DNAJC16: variants seen among roughly 807,000 people sequenced by gnomAD.
DNAJC16 encodes the protein DnaJ heat shock protein family (Hsp40) member C16, also known as dnaJ homolog subfamily C member 16.
In DNAJC16, 76 loss-of-function variants were observed where a neutral mutation model predicts 92.7. The ratio of observed to expected loss-of-function variants is 0.82; its 90% confidence interval spans 0.68 to 0.99. The LOEUF is 0.99. DNAJC16 is among the 50% of genes least tolerant of loss of function. The pLI is 0.00. For missense variants in DNAJC16, 869 were observed against 942.4 expected (o/e 0.92, Z 1.02); for synonymous variants, 328 against 358.7 (o/e 0.91, Z 0.97).
chr1:15,562,047 A>T, intron 8 of DNAJC16, 95 bp from the exon 9 acceptor site: 2 of 1,315,786 alleles, frequency 1.5e-6, no homozygotes. Context: ...CTTCCATAAG[A>T]TGAGCTCCTC....
rs1171509950 is a variant in DNAJC16 at position 15,526,911 on chromosome 1, C to G, written c.-66C>G. 1 of 152,380 alleles carries G rather than the reference C, an allele frequency of 6.6e-6. No homozygotes were observed. The highest frequency in any genetic ancestry group is 1.5e-5 in the Non-Finnish European group (1 of 68,116). 9.4% of individuals were successfully genotyped at this position (152,380 alleles called of 1,614,324 possible). A position where few individuals can be genotyped will look rare whatever the true frequency, so the allele number is the denominator to read the frequency against. The stretch of plus-strand genomic sequence containing the variant: ...GACGGGAAGCTCCCGGCCCGGCGAA[C>G]TAACTGGAGCACGGAGCTGCAGCCG... On this transcript the variant is annotated 5_prime_UTR_variant, in exon 1 of 15. Coordinates refer to ENST00000375847, the MANE Select transcript of DNAJC16 (RefSeq NM_015291.4).
At chr1:15,551,266 G>A (rs999105279) in intron 7 of DNAJC16, among the ~76,000 whole-genome samples, 1 of 152,196 alleles carries the variant, frequency 6.6e-6, no homozygotes, top group African/African-American at 2.4e-5. Context: ...TATTCTGTGT[G>A]ATGAGCTGGG....
intron 7 of DNAJC16, among the ~76,000 whole-genome samples, chr1:15,549,995 G>C (rs1638407973): frequency 6.6e-6 from 1 of 152,096 alleles, no homozygotes; most frequent in Non-Finnish European, 1.5e-5. Context: ...AGTTTGTATA[G>C]AGTTCAGTAC....
rs16851774 is a variant in DNAJC16, at chr1:15,540,772, C to G, written c.575-3627C>G. Among the ~76,000 whole-genome samples, 348 of 152,268 alleles carry G rather than the reference C, an allele frequency of 2.3e-3. 1 individual carries two copies. Among genetic ancestry groups the G allele is most frequent in the African/African-American group, 8.0e-3 (333 of 41,550 alleles). Reference sequence around the variant, plus strand: ...TTTCTAATTCAGGTTTCTGTGTGCGCTCGGTCTGGTATAACGTATACTGAA... The same window carrying G: ...TTTCTAATTCAGGTTTCTGTGTGCGGTCGGTCTGGTATAACGTATACTGAA... On this transcript the variant is annotated intron_variant, in intron 4 of 14. Coordinates refer to ENST00000375847, the MANE Select transcript of DNAJC16 (RefSeq NM_015291.4).
chr1:15,566,407 T>C, intron 13 of DNAJC16: 1 of 534,484 alleles, frequency 1.9e-6, no homozygotes, highest in South Asian at 2.3e-5. Context: ...AAGAAGCCTA[T>C]CAGGCAAGTG....
intron 1 of DNAJC16, among the ~76,000 whole-genome samples, chr1:15,528,114 T>C (rs751269436): frequency 6.6e-6 from 1 of 152,232 alleles, no homozygotes; most frequent in Non-Finnish European, 1.5e-5. Flanking sequence ...TCTTGCCGCT[T>C]TTTCTCATCT....
chr1:15,564,083 T>G lies in DNAJC16; in HGVS notation c.1493T>G (p.Leu498Arg), dbSNP rs761805529. ...DPALLSSEAV[L>R]PDLTDELAPV... Reference sequence around the variant, plus strand: ...GCTCTTCTGTCCTCTGAAGCAGTGCTTCCTGACCTGACCGATGAACTTGCC... The same window carrying G: ...GCTCTTCTGTCCTCTGAAGCAGTGCGTCCTGACCTGACCGATGAACTTGCC... The change falls in exon 10 of 15, where the codon CTT becomes CGT. Residue 498 changes from leucine to arginine, a missense_variant. Leu to Arg is a moderately radical substitution (Grantham distance 102). Coordinates refer to ENST00000375847, the MANE Select transcript of DNAJC16 (RefSeq NM_015291.4). 4 of 1,614,200 alleles carry G rather than the reference T, an allele frequency of 2.5e-6. No individual in the cohort carries two copies. The highest frequency in any genetic ancestry group is 3.4e-6 in the Non-Finnish European group (4 of 1,180,028).
intron 7 of DNAJC16, among the ~76,000 whole-genome samples, chr1:15,548,756 A>G (rs1638373406): frequency 6.6e-6 from 1 of 152,208 alleles, no homozygotes; most frequent in Non-Finnish European, 1.5e-5. Context: ...ACAGATGAAT[A>G]TTTATCTGAT....
intron 4 of DNAJC16, chr1:15,542,341 C>G (rs960195098): frequency 5.3e-5 from 8 of 152,180 alleles, no homozygotes; most frequent in African/African-American, 1.9e-4. Flanking sequence ...TATATTTAAT[C>G]CCTGAACTAC....
rs901571420 is a variant in DNAJC16, at chr1:15,568,263, T to C, written c.*86T>C. The C allele has an allele frequency of 1.8e-6, 2 of 1,116,212 alleles. No individual in the cohort carries two copies. The highest frequency in any genetic ancestry group is 3.0e-5 in the South Asian group (2 of 66,316). The allele number at this position is 1,116,212 out of a possible 1,614,324, so 69.1% of individuals were successfully genotyped here. A position where few individuals can be genotyped will look rare whatever the true frequency, so the allele number is the denominator to read the frequency against. ...ATTTTCAGGACTCAAACTACCACAA[T>C]GAACAGAGTATAGATTTTAGATTGC... is the stretch of plus-strand genomic sequence containing the variant. On this transcript the variant is annotated 3_prime_UTR_variant, in exon 15 of 15. Coordinates refer to ENST00000375847, the MANE Select transcript of DNAJC16 (RefSeq NM_015291.4).
intron 7 of DNAJC16, among the ~76,000 whole-genome samples, chr1:15,553,580 C>T (rs1043527795): frequency 2.6e-5 from 4 of 152,132 alleles, no homozygotes; most frequent in Non-Finnish European, 4.4e-5. Flanking sequence ...TATTTATTGA[C>T]ATATAATACA....
intron 9 of DNAJC16, 84 bp downstream of exon 9, chr1:15,562,409 G>T (rs1638712079): frequency 7.4e-7 from 1 of 1,344,262 alleles, no homozygotes; most frequent in African/African-American, 1.5e-5. Context: ...TGAGAGTGTT[G>T]AATACAGATT....
At chr1:15,542,669 C>A (rs967581712) in intron 4 of DNAJC16, among the ~76,000 whole-genome samples, 6 of 152,212 alleles carry the variant, frequency 3.9e-5, no homozygotes, top group Admixed American at 2.0e-4. Context: ...AGCAGTCTTA[C>A]GGGACTGAAC....
In DNAJC16 at chr1:15,556,220, G is replaced by GTTGTT. The variant is rs76260170; in HGVS notation, c.1024-3278_1024-3274dup. 8.1e-3 allele frequency among the ~76,000 whole-genome samples: 1,212 copies of GTTGTT among 150,090 alleles called. 7 individuals are homozygous for GTTGTT. Among genetic ancestry groups the GTTGTT allele is most frequent in the African/African-American group, 0.015 (615 of 40,708 alleles). ...GCTGGTATAAGTAATACAGTTGTTG[G>GTTGTT]TTGTTTTGTTTTGTTTTGTTTTGTT... On this transcript the variant is annotated intron_variant, in intron 7 of 14. Transcript: ENST00000375847.
chr1:15,540,694 C>A (rs1710912810), intron 4 of DNAJC16, among the ~76,000 whole-genome samples: 1 of 152,202 alleles, frequency 6.6e-6, no homozygotes, highest in South Asian at 2.1e-4. Context: ...GCCTCAGCCT[C>A]CCAAAGCACT....
At position 15,567,717 on chromosome 1, in the gene DNAJC16, T is replaced by C; in HGVS notation, c.1950-61T>C. On this transcript the variant is annotated intron_variant, in intron 14 of 14. Coordinates refer to ENST00000375847, the MANE Select transcript of DNAJC16 (RefSeq NM_015291.4). ...TTTTAAGTCTCACTGGGGTATTTAT[T>C]TTCTCAGCAATTAAATGTGTCAGGA... 2.6e-6 allele frequency: 4 copies of C among 1,515,504 alleles called. No individual in the cohort carries two copies. In the South Asian group the frequency reaches 5.0e-5, roughly 19 times the overall value. 93.9% of individuals were successfully genotyped at this position (1,515,504 alleles called of 1,614,324 possible).
intron 4 of DNAJC16, among the ~76,000 whole-genome samples, chr1:15,538,113 A>C (rs1466185468): frequency 6.6e-6 from 1 of 152,028 alleles, no homozygotes; most frequent in South Asian, 2.1e-4. Flanking sequence ...AAAAAGAGAG[A>C]CTGCTGGGCA....
At chr1:15,562,835 C>T (rs1054686416) in intron 9 of DNAJC16, among the ~76,000 whole-genome samples, 1 of 151,462 alleles carries the variant, frequency 6.6e-6, no homozygotes, top group Non-Finnish European at 1.5e-5. Context: ...TTCTGGATGT[C>T]AGCCTCAGGC....
At position 15,567,763 on chromosome 1, in the gene DNAJC16, C is replaced by T. The variant is rs775684861; in HGVS notation, c.1950-15C>T. 3.4e-5 allele frequency: 55 copies of T among 1,604,310 alleles called. No homozygotes were observed. Among genetic ancestry groups the T allele is most frequent in the Admixed American group, 1.5e-4 (9 of 58,738 alleles). The stretch of plus-strand genomic sequence containing the variant: ...CAGGAAATGCCCTGAGTCCTCAATT[C>T]TCTTCTTCCTACAGGAGCAGCTGCC... On this transcript the variant is annotated splice_polypyrimidine_tract_variant and intron_variant, in intron 14 of 14. Transcript: ENST00000375847.
Sources: gnomAD v4.1 joint callset for allele counts (sites outside exome capture counted in the v4.1 genomes callset) on GRCh38, gnomAD v4.1.1 for gene constraint, MANE v1.5 for transcripts, NCBI Gene and HGNC (gene_info 2026-07-23, HGNC 2026-07-21) for gene names.